The following RIIAD1 variants were observed in gnomAD, a reference collection of about 807,000 sequenced individuals.
RIIAD1 encodes RIIa domain-containing protein 1.
Under a neutral mutation model 13.3 loss-of-function variants are expected in RIIAD1, and 15 were observed. The ratio of observed to expected loss-of-function variants is 1.13; its 90% CI spans 0.76 to 1.74. RIIAD1 has a LOEUF of 1.74. RIIAD1 is among the 40% of genes most tolerant of loss of function. The pLI is 0.00. For missense variants in RIIAD1, 121 were observed against 112.2 expected (o/e 1.08, Z -0.35); for synonymous variants, 50 against 43.3 (o/e 1.16, Z -0.61).
intron 4 of RIIAD1, chr1:151,715,536 AC>A: frequency 5.6e-6 from 6 of 1,065,450 alleles, no homozygotes; most frequent in Non-Finnish European, 7.7e-6. Context: ...ACACACACAC[AC>A]CCCTACCCAG....
chr1:151,726,830 G>A (rs990842129), intron 2 of RIIAD1, among the ~76,000 whole-genome samples: 14 of 152,272 alleles, frequency 9.2e-5, no homozygotes, highest in East Asian at 7.7e-4. Flanking sequence ...AACCATCTGC[G>A]GTCCATCTTT....
chr1:151,720,164 G>T (rs925497535), upstream of RIIAD1, among the ~76,000 whole-genome samples: 1 of 151,854 alleles, frequency 6.6e-6, no homozygotes, highest in African/African-American at 2.4e-5. Flanking sequence ...TTTTATATTT[G>T]CTGCACATTT....
chr1:151,728,664 C>A, intron 3 of RIIAD1, 102 bp from the exon 4 acceptor site: 1 of 726,822 alleles, frequency 1.4e-6, no homozygotes, highest in Non-Finnish European at 2.5e-6. Context: ...GTCCTGCGTA[C>A]CAAGCCATCC....
upstream of RIIAD1, chr1:151,716,876 G>A (rs1327562562): frequency 1.8e-5 from 8 of 439,336 alleles, no homozygotes; most frequent in Non-Finnish European, 3.8e-5. Flanking sequence ...CTCAGGGGTC[G>A]AATACAAATT....
intron 4 of RIIAD1, 117 bp downstream of exon 4, chr1:151,729,010 G>A (rs1647256410): frequency 1.7e-6 from 1 of 603,114 alleles, no homozygotes; most frequent in Non-Finnish European, 2.9e-6. Context: ...GAAGTTTAAT[G>A]TAAATGTTTA....
upstream of RIIAD1, chr1:151,716,806 C>A (rs751344864): frequency 2.1e-6 from 1 of 466,148 alleles, no homozygotes; most frequent in Admixed American, 2.4e-5. Context: ...CAAAAACCTC[C>A]CCCCTCCACA....
At chr1:151,716,109 C>A (rs1571941978) in intron 4 of RIIAD1, 11 of 1,386,298 alleles carry the variant, frequency 7.9e-6, no homozygotes, top group East Asian at 2.4e-5. Flanking sequence ...AGTGGTGGGG[C>A]CCGGGGGCCC....
At chr1:151,715,780 C>A in intron 4 of RIIAD1, 6 of 1,592,082 alleles carry the variant, frequency 3.8e-6, no homozygotes, top group Non-Finnish European at 4.3e-6. Flanking sequence ...CCTTCCACAT[C>A]AGCCCTTCCC....
At chr1:151,719,119 C>G (rs920970045), upstream of RIIAD1, among the ~76,000 whole-genome samples, 1 of 152,178 alleles carries the variant, frequency 6.6e-6, no homozygotes, top group African/African-American at 2.4e-5. Context: ...GCGTCCAGTC[C>G]TTTGCTTAGT....
Position 151,714,543 on chromosome 1 carries a change from C to G in RIIAD1, c.21+14C>G, listed in dbSNP as rs928664794. 1.7e-5 allele frequency: 23 copies of G among 1,391,230 alleles called. No homozygotes were observed. The Admixed American group carries it at 3.9e-4, about 24-fold the overall frequency. 86.2% of individuals were successfully genotyped at this position (1,391,230 alleles called of 1,614,324 possible). Reference sequence around the variant, plus strand: ...GTCAGGAGGGTGGTGAGCCTCCTGCCACTTCTATGGCCCTTCTCAGTCCCC... The same window carrying G: ...GTCAGGAGGGTGGTGAGCCTCCTGCGACTTCTATGGCCCTTCTCAGTCCCC... On this transcript the variant is annotated intron_variant, in intron 4 of 8. Coordinates refer to the RIIAD1 transcript ENST00000326413.
intron 3 of RIIAD1, chr1:151,728,433 C>A (rs1673869769): frequency 6.1e-6 from 2 of 326,530 alleles, no homozygotes; most frequent in Non-Finnish European, 1.1e-5. Flanking sequence ...TCTGATGGCT[C>A]TCTGTGCGTC....
At chr1:151,724,825 A>C (rs1392223587) in intron 2 of RIIAD1, among the ~76,000 whole-genome samples, 4 of 148,244 alleles carry the variant, frequency 2.7e-5, no homozygotes, top group Non-Finnish European at 5.9e-5. Flanking sequence ...TTTGAGACGG[A>C]GTCTCGCTCT....
upstream of RIIAD1, chr1:151,716,928 G>T: frequency 2.7e-6 from 1 of 367,344 alleles, no homozygotes; most frequent in Non-Finnish European, 5.9e-6. Context: ...CACGAGCCAC[G>T]CCCTCTTTCT....
chr1:151,728,687 G>A, intron 3 of RIIAD1, 79 bp from the exon 4 acceptor site: 1 of 838,142 alleles, frequency 1.2e-6, no homozygotes, highest in Non-Finnish European at 2.0e-6. Flanking sequence ...ACTTTTTGGT[G>A]GAGTAAGCTG....
chr1:151,719,065 TCCTC>T (rs1434936639), upstream of RIIAD1, among the ~76,000 whole-genome samples: 1 of 152,120 alleles, frequency 6.6e-6, no homozygotes, highest in African/African-American at 2.4e-5. Context: ...CCCTCACTCC[TCCTC>T]CCAGTCAGTA....
intron 2 of RIIAD1, among the ~76,000 whole-genome samples, chr1:151,725,640 A>C (rs912701417): frequency 1.3e-5 from 2 of 152,128 alleles, no homozygotes; most frequent in Non-Finnish European, 2.9e-5. Context: ...CAGTATCCTG[A>C]CTTCTACTAG....
chr1:151,728,483 G>A, intron 3 of RIIAD1: 1 of 191,598 alleles, frequency 5.2e-6, no homozygotes, highest in Non-Finnish European at 8.8e-6. Flanking sequence ...GGGGTAGGTG[G>A]GGGGTGGGGG....
upstream of RIIAD1, among the ~76,000 whole-genome samples, chr1:151,718,014 G>A (rs988152501): frequency 2.0e-5 from 3 of 151,896 alleles, no homozygotes; most frequent in Non-Finnish European, 4.4e-5. Context: ...CTGGGGCTCT[G>A]GGCTTTTGTA....
rs1486739610 is a variant in RIIAD1, at chr1:151,721,607, T to A, written c.71T>A (p.Leu24Gln). Residue 24 changes from leucine (L) to glutamine (Q), a missense_variant, in exon 1 of 5, where the codon CTG (leucine) becomes CAG (glutamine). Physicochemically the swap from Leu to Gln is moderately radical, Grantham distance 113. Coordinates refer to ENST00000479191, the MANE Select transcript of RIIAD1 (RefSeq NM_001144956.3). ...CTTAGCGCAGCGCAGCTGGAGCAGC[T>A]GCGAAAATTCAAGGTGGGTGCGCCC... is the stretch of plus-strand genomic sequence containing the variant. ...GALSAAQLEQ[L>Q]RKFKIQTRIA... 3 of 1,298,486 alleles carry A rather than the reference T, an allele frequency of 2.3e-6. No individual in the cohort carries two copies. The highest frequency in any genetic ancestry group is 4.0e-5 in the Admixed American group (1 of 25,240). The allele number at this position is 1,298,486 out of a possible 1,614,324, so 80.4% of individuals were successfully genotyped here. A position where few individuals can be genotyped will look rare whatever the true frequency, so the allele number is the denominator to read the frequency against.
Sources: gnomAD v4.1 joint callset for allele counts (sites outside exome capture counted in the v4.1 genomes callset) on GRCh38, gnomAD v4.1.1 for gene constraint, MANE v1.5 for transcripts, NCBI Gene and HGNC (gene_info 2026-07-23, HGNC 2026-07-21) for gene names.